The following FGF14 variants were observed in gnomAD, a reference collection of about 807,000 sequenced individuals.
FGF14 encodes the protein fibroblast growth factor 14.
A neutral mutation model predicts 25.5 loss-of-function variants in FGF14; 5 were observed. That is an observed-to-expected ratio of 0.20 (90% CI 0.10 to 0.41). The LOEUF (loss-of-function observed/expected upper bound fraction) is 0.41. FGF14 is among the 10% of genes least tolerant of loss of function. The pLI is 1.00. For synonymous variants in FGF14, 138 were observed against 118.3 expected (o/e 1.17, Z -1.08); for missense variants, 222 against 320.1 (o/e 0.69, Z 2.34).
chr13:102,146,569 G>A (rs1296040739), intron 1 of FGF14, among the ~76,000 whole-genome samples: 1 of 152,090 alleles, frequency 6.6e-6, no homozygotes, highest in African/African-American at 2.4e-5. Context: ...CATGGTCTTT[G>A]TAAGTGGGAA....
chr13:102,189,004 GAAAGAGAAAGAATGAAAGAAGA>G (rs1426778013), intron 1 of FGF14, among the ~76,000 whole-genome samples: 5,807 of 69,114 alleles, frequency 0.084, 185 homozygotes, highest in African/African-American at 0.1. Flanking sequence ...AAGAAAGAAA[GAAAGAGAAAGAATGAAAGAAGA>G]AAAGAAAGAA....
chr13:102,053,397 G>T (rs1215872016), intron 1 of FGF14, among the ~76,000 whole-genome samples: 1 of 151,904 alleles, frequency 6.6e-6, no homozygotes. Context: ...CCAAAATAGA[G>T]AAATTATTTC....
rs975814910 is a variant in FGF14, at chr13:101,916,439, T to C, written c.193+14A>G. ...CGACCCGGGGCGCATCTCCCGACCA[T>C]GACCCCCACAGACCTTGGCGCCGCA... On this transcript the variant is annotated intron_variant, in intron 1 of 4. Coordinates refer to ENST00000376143, the MANE Select transcript of FGF14 (RefSeq NM_004115.4). 4 of 1,613,692 alleles carry C rather than the reference T, an allele frequency of 2.5e-6. No individual in the cohort carries two copies. In the African/African-American group the frequency reaches 4.0e-5, roughly 16 times the overall value.
intron 1 of FGF14, among the ~76,000 whole-genome samples, chr13:102,369,125 C>T (rs1353270568): frequency 6.6e-6 from 1 of 152,154 alleles, no homozygotes; most frequent in African/African-American, 2.4e-5. Flanking sequence ...CATTTACATG[C>T]CCAAGTCACA....
intron 3 of FGF14, among the ~76,000 whole-genome samples, chr13:101,781,444 A>T (rs1050681163): frequency 6.6e-6 from 1 of 152,232 alleles, no homozygotes; most frequent in Non-Finnish European, 1.5e-5. Flanking sequence ...TGAGTGTCAT[A>T]CATATATCGA....
At chr13:101,948,470 A>T (rs915457790) in intron 1 of FGF14, among the ~76,000 whole-genome samples, 10 of 146,064 alleles carry the variant, frequency 6.8e-5, no homozygotes, top group African/African-American at 2.6e-4. Flanking sequence ...ATAATAAAAA[A>T]ATATATATAT....
chr13:101,835,713 G>A (rs891902811), intron 3 of FGF14, among the ~76,000 whole-genome samples: 1 of 151,996 alleles, frequency 6.6e-6, no homozygotes, highest in Non-Finnish European at 1.5e-5. Flanking sequence ...TGGCAAGATG[G>A]AGGTCTCTGG....
intron 1 of FGF14, among the ~76,000 whole-genome samples, chr13:102,245,238 T>G (rs1230137423): frequency 6.6e-6 from 1 of 152,124 alleles, no homozygotes; most frequent in Non-Finnish European, 1.5e-5. Flanking sequence ...CTTGTAATAA[T>G]TCAGATCCAA....
At chr13:101,899,630 A>G (rs968215852) in intron 1 of FGF14, among the ~76,000 whole-genome samples, 5 of 152,064 alleles carry the variant, frequency 3.3e-5, no homozygotes, top group African/African-American at 1.2e-4. Context: ...ATAAAGACCA[A>G]AGAAAGCTGG....
chr13:102,221,199 C>A (rs1435998872), intron 1 of FGF14, among the ~76,000 whole-genome samples: 1 of 151,992 alleles, frequency 6.6e-6, no homozygotes, highest in Non-Finnish European at 1.5e-5. Context: ...TGATTTTAGG[C>A]AAACTGCATT....
chr13:102,259,189 C>T (rs1165264937), intron 1 of FGF14, among the ~76,000 whole-genome samples: 1 of 152,130 alleles, frequency 6.6e-6, no homozygotes, highest in Non-Finnish European at 1.5e-5. Context: ...GCATGACATG[C>T]TAGGCTGCAT....
chr13:101,753,247 T>A (rs995021398), intron 3 of FGF14, among the ~76,000 whole-genome samples: 6 of 151,206 alleles, frequency 4.0e-5, no homozygotes, highest in Non-Finnish European at 8.8e-5. Context: ...AATACCACAT[T>A]CCATATATTA....
chr13:101,790,568 CATT>C (rs2040179065), intron 3 of FGF14, among the ~76,000 whole-genome samples: 1 of 152,096 alleles, frequency 6.6e-6, no homozygotes, highest in Non-Finnish European at 1.5e-5. Flanking sequence ...TGTGTCCCAT[CATT>C]AAGTGTACAT....
chr13:102,100,227 G>A (rs2044593232), intron 1 of FGF14, among the ~76,000 whole-genome samples: 3 of 152,118 alleles, frequency 2.0e-5, no homozygotes, highest in African/African-American at 7.2e-5. Context: ...TATTCCAAGA[G>A]TCAAAGAAAA....
At chr13:101,917,553 G>C (rs925176008), upstream of FGF14, among the ~76,000 whole-genome samples, 2 of 151,868 alleles carry the variant, frequency 1.3e-5, no homozygotes, top group Non-Finnish European at 2.9e-5. Flanking sequence ...CCGGTGCACT[G>C]AAACTCTCAG....
At position 101,815,641 on chromosome 13, in the gene FGF14, T is replaced by C. The variant is rs568943308; in HGVS notation, c.408+53084A>G. On this transcript the variant is annotated intron_variant, in intron 3 of 4. Coordinates refer to ENST00000376143, the MANE Select transcript of FGF14 (RefSeq NM_004115.4). ...CAGCACTAGTGGTGACTCCCTTCAATGACTTAAAAGGGATCTCCTCCTTAG... is the reference window on the plus strand; with the variant it reads ...CAGCACTAGTGGTGACTCCCTTCAACGACTTAAAAGGGATCTCCTCCTTAG... 4.0e-5 allele frequency among the ~76,000 whole-genome samples: 6 copies of C among 150,730 alleles called. No homozygotes were observed. The South Asian group carries it at 1.2e-3, about 31-fold the overall frequency.
At chr13:102,297,577 C>T (rs543918416) in intron 1 of FGF14, among the ~76,000 whole-genome samples, 117 of 152,050 alleles carry the variant, frequency 7.7e-4, no homozygotes, top group African/African-American at 2.7e-3. Context: ...TAAAACTATT[C>T]TGAAATAAAA....
chr13:101,770,916 A>C (rs2038726103), intron 3 of FGF14, among the ~76,000 whole-genome samples: 1 of 152,136 alleles, frequency 6.6e-6, no homozygotes, highest in South Asian at 2.1e-4. Flanking sequence ...ACAAATAGTA[A>C]CAAAATGCAC....
intron 1 of FGF14, among the ~76,000 whole-genome samples, chr13:102,349,011 G>A (rs1377974312): frequency 6.6e-6 from 1 of 152,148 alleles, no homozygotes; most frequent in Admixed American, 6.5e-5. Context: ...TGCCCCTCGA[G>A]AACATATCAC....
Sources: gnomAD v4.1 joint callset for allele counts (sites outside exome capture counted in the v4.1 genomes callset) on GRCh38, gnomAD v4.1.1 for gene constraint, MANE v1.5 for transcripts, NCBI Gene and HGNC (gene_info 2026-07-23, HGNC 2026-07-21) for gene names.